MAD1L1: variants seen among roughly 807,000 people sequenced by gnomAD.
MAD1L1 encodes mitotic arrest deficient 1 like 1.
Under a neutral mutation model 96.9 loss-of-function variants are expected in MAD1L1, and 95 were observed. That is an observed-to-expected ratio of 0.98 (90% CI 0.83 to 1.16). The LOEUF is 1.16. Ranked by LOEUF, MAD1L1 falls within the 50% of genes most tolerant of loss-of-function variation. The pLI, the probability that MAD1L1 is intolerant of heterozygous loss-of-function variation, is 0.00. For missense variants in MAD1L1, 1,007 were observed against 954.4 expected (o/e 1.06, Z -0.73); for synonymous variants, 473 against 396.6 (o/e 1.19, Z -2.29).
At position 2,132,379 on chromosome 7, in the gene MAD1L1, CCGCG is replaced by C. The variant is rs1271618630; in HGVS notation, c.1073+16769_1073+16772del. Among the ~76,000 whole-genome samples the C allele has an allele frequency of 4.7e-5, 7 of 149,098 alleles. 1 individual carries two copies. Among genetic ancestry groups the C allele is most frequent in the African/African-American group, 1.5e-4 (6 of 39,974 alleles). On this transcript the variant is annotated intron_variant, in intron 11 of 18. Coordinates refer to ENST00000265854, the MANE Select transcript of MAD1L1 (RefSeq NM_001013836.2). Reference sequence around the variant, plus strand: ...ACGCATGTCTGCAGTCCCTGTGCGACCGCGCGTCCACCATCACGGCCGCGTGCAG... The same window carrying C: ...ACGCATGTCTGCAGTCCCTGTGCGACCGTCCACCATCACGGCCGCGTGCAG...
rs180680532 is a variant in MAD1L1, at chr7:1,950,204, G to A, written c.1596+7425C>T. On this transcript the variant is annotated intron_variant, in intron 16 of 18. Coordinates refer to ENST00000265854, the MANE Select transcript of MAD1L1 (RefSeq NM_001013836.2). ...CCAGTTCCACCAGCCACAACTGTGT[G>A]ACTCTGGGCCAGTCCCCAGCACCCT... Among the ~76,000 whole-genome samples the A allele has an allele frequency of 2.8e-3, 429 of 152,342 alleles. 4 individuals carry two copies. Among genetic ancestry groups the A allele is most frequent in the African/African-American group, 0.01 (420 of 41,574 alleles).
At chr7:2,180,371 T>C (rs1791145545) in intron 10 of MAD1L1, among the ~76,000 whole-genome samples, 2 of 152,228 alleles carry the variant, frequency 1.3e-5, no homozygotes, top group Non-Finnish European at 2.9e-5. Context: ...TCTCAGGAAA[T>C]CTCTGGCTAA....
chr7:2,125,444 G>A (rs151261751), intron 11 of MAD1L1, among the ~76,000 whole-genome samples: 33 of 152,310 alleles, frequency 2.2e-4, no homozygotes, highest in Admixed American at 9.8e-4. Context: ...TGATGTCTCC[G>A]CAGCCTGGTG....
Position 1,898,249 on chromosome 7 carries a change from C to A in MAD1L1, c.1949G>T (p.Arg650Leu), listed in dbSNP as rs753461846. Reference protein sequence around the residue: ...QIDITTENQYRLTSLYAEHPG... With the variant: ...QIDITTENQYLLTSLYAEHPG... ...GTGCTCGGCGTACAGCGAGGTCAGC[C>A]GGTACTGGTTCTCCGTGGTGATGTC... Residue 650 changes from arginine to leucine, a missense_variant, in exon 18 of 19, where the codon CGG becomes CTG. Physicochemically the swap from Arg to Leu is moderately radical, Grantham distance 102. Transcript: ENST00000265854. 5 of 1,613,890 alleles carry A rather than the reference C, an allele frequency of 3.1e-6. No individual in the cohort carries two copies. In the Admixed American group the frequency reaches 5.0e-5, roughly 16 times the overall value.
At chr7:1,875,019 AG>A (rs1785307777) in intron 18 of MAD1L1, among the ~76,000 whole-genome samples, 1 of 152,116 alleles carries the variant, frequency 6.6e-6, no homozygotes, top group Admixed American at 6.5e-5. Context: ...TCCCCTCTGC[AG>A]GGCAGGCTGG....
chr7:2,138,546 G>A (rs73287659), intron 11 of MAD1L1, among the ~76,000 whole-genome samples: 1,622 of 152,310 alleles, frequency 0.011, 34 homozygotes, highest in African/African-American at 0.037. Flanking sequence ...AATGCCAGAC[G>A]CACACTTCCG....
chr7:1,854,368 G>A (rs1014098385), intron 18 of MAD1L1: 58 of 473,836 alleles, frequency 1.2e-4, no homozygotes, highest in African/African-American at 9.6e-4. Context: ...CCTACCCTGT[G>A]GAAGCCTGTA....
At chr7:1,957,757 C>A in intron 15 of MAD1L1, 38 bp from the exon 16 acceptor site, 1 of 1,601,004 alleles carries the variant, frequency 6.2e-7, no homozygotes. Flanking sequence ...GTGTCCGAGG[C>A]CAGCCATGCT....
intron 12 of MAD1L1, among the ~76,000 whole-genome samples, chr7:2,023,565 G>A (rs775556313): frequency 1.2e-4 from 18 of 152,214 alleles, no homozygotes; most frequent in Middle Eastern, 3.4e-3. Flanking sequence ...GAATGTAAAT[G>A]TTAGAAAAAA....
chr7:2,097,938 G>C (rs1362522079), intron 11 of MAD1L1, among the ~76,000 whole-genome samples: 1 of 152,226 alleles, frequency 6.6e-6, no homozygotes, highest in Non-Finnish European at 1.5e-5. Context: ...TCTGCACTCA[G>C]GTCTCCCAGA....
intron 18 of MAD1L1, chr7:1,838,951 G>A (rs1783083569): frequency 2.6e-6 from 1 of 389,798 alleles, no homozygotes; most frequent in Non-Finnish European, 5.3e-6. Flanking sequence ...GACACGCCGG[G>A]CTCTGGGAGG....
At chr7:2,124,376 G>C (rs1050054161) in intron 11 of MAD1L1, among the ~76,000 whole-genome samples, 1 of 152,230 alleles carries the variant, frequency 6.6e-6, no homozygotes, top group Non-Finnish European at 1.5e-5. Context: ...TTTGGGAAGA[G>C]CCCAACGTGC....
chr7:1,822,062 C>G (rs1467708215), intron 18 of MAD1L1, among the ~76,000 whole-genome samples: 1 of 152,100 alleles, frequency 6.6e-6, no homozygotes, highest in African/African-American at 2.4e-5. Flanking sequence ...TGACGGCCCA[C>G]GTGGAAAATC....
At chr7:2,224,861 C>T (rs559662507) in intron 4 of MAD1L1, among the ~76,000 whole-genome samples, 27 of 152,264 alleles carry the variant, frequency 1.8e-4, no homozygotes, top group African/African-American at 6.5e-4. Context: ...TTGAGACCGG[C>T]ACCCTTTGCT....
intron 10 of MAD1L1, 138 bp downstream of exon 10, chr7:2,213,074 C>G (rs893092522): frequency 1.2e-6 from 1 of 802,992 alleles, no homozygotes; most frequent in African/African-American, 1.7e-5. Context: ...TAAACCTGAG[C>G]AGCCCAGGAC....
intron 18 of MAD1L1, among the ~76,000 whole-genome samples, chr7:1,877,095 T>A (rs2128661171): frequency 6.6e-6 from 1 of 151,684 alleles, no homozygotes; most frequent in South Asian, 2.1e-4. Flanking sequence ...AAAAATTACA[T>A]AAAAAGAAAA....
intron 11 of MAD1L1, among the ~76,000 whole-genome samples, chr7:2,083,826 C>T (rs890024065): frequency 2.4e-4 from 36 of 152,238 alleles, no homozygotes; most frequent in Admixed American, 1.3e-3. Context: ...GTTCCCATCT[C>T]CAGGACCTCC....
rs560142399 is a variant in MAD1L1, at chr7:2,231,425, G to A, written c.-189-698C>T. ...ACCACAGGTCAGGAGTTCGAGACCA[G>A]CCTGGCCAACATGGTGAAACCCCAT... On this transcript the variant is annotated intron_variant, in intron 1 of 18. Coordinates refer to ENST00000265854, the MANE Select transcript of MAD1L1 (RefSeq NM_001013836.2). 1.1e-4 allele frequency among the ~76,000 whole-genome samples: 16 copies of A among 152,166 alleles called. No homozygotes were observed. The East Asian group carries it at 3.1e-3, about 29-fold the overall frequency.
intron 17 of MAD1L1, among the ~76,000 whole-genome samples, chr7:1,902,323 A>T (rs1289430481): frequency 6.6e-6 from 1 of 152,212 alleles, no homozygotes; most frequent in African/African-American, 2.4e-5. Flanking sequence ...TACAGCACTT[A>T]TCTCAAGAGG....
Sources: allele counts gnomAD v4.1 joint callset (sites outside exome capture counted in the v4.1 genomes callset), GRCh38; gene constraint gnomAD v4.1.1; transcripts MANE v1.5; gene names NCBI Gene and HGNC (gene_info 2026-07-23, HGNC 2026-07-21).